The following POGLUT2 variants were observed in gnomAD, a reference collection of about 807,000 sequenced individuals.
POGLUT2 encodes the protein ER protein 58.
Under a neutral mutation model 57.6 loss-of-function variants are expected in POGLUT2, and 47 were observed. The ratio of observed to expected loss-of-function variants is 0.82; its 90% CI spans 0.65 to 1.04. The LOEUF (loss-of-function observed/expected upper bound fraction) is 1.04. POGLUT2 is among the 50% of genes least tolerant of loss of function. POGLUT2 has a pLI of 0.00. For synonymous variants in POGLUT2, 200 were observed against 218.8 expected (o/e 0.91, Z 0.76); for missense variants, 565 against 614.8 (o/e 0.92, Z 0.86).
chr13:102,793,521 G>T, intron 3 of POGLUT2, 80 bp downstream of exon 3: 2 of 1,384,190 alleles, frequency 1.4e-6, no homozygotes, highest in Non-Finnish European at 2.1e-6. Flanking sequence ...TTTATAAAAT[G>T]ATTTAGCTAA....
At chr13:102,792,068 C>T in intron 4 of POGLUT2, 1 of 1,288,158 alleles carries the variant, frequency 7.8e-7, no homozygotes, top group South Asian at 1.2e-5. Context: ...CAAAGAGGAG[C>T]AAGAGAAGTA....
At chr13:102,793,162 T>C (rs1878249045) in intron 4 of POGLUT2, 179 bp downstream of exon 4, 2 of 545,472 alleles carry the variant, frequency 3.7e-6, no homozygotes, top group Non-Finnish European at 6.6e-6. Flanking sequence ...TAGCACTTTG[T>C]TACGGCAGCC....
intron 6 of POGLUT2, among the ~76,000 whole-genome samples, chr13:102,790,479 G>A (rs755038003): frequency 1.3e-5 from 2 of 152,184 alleles, no homozygotes; most frequent in Non-Finnish European, 2.9e-5. Flanking sequence ...AGAACATTTG[G>A]ATGAGTTTCA....
At chr13:102,794,505 T>C (rs1333102491) in intron 2 of POGLUT2, among the ~76,000 whole-genome samples, 2 of 151,920 alleles carry the variant, frequency 1.3e-5, no homozygotes, top group Admixed American at 6.6e-5. Flanking sequence ...CTACTAAAAA[T>C]ACAAAAAAGT....
At chr13:102,794,139 A>G (rs1878288072) in intron 2 of POGLUT2, among the ~76,000 whole-genome samples, 1 of 152,020 alleles carries the variant, frequency 6.6e-6, no homozygotes, top group Non-Finnish European at 1.5e-5. Context: ...TGGGAGGCTG[A>G]CGTGGGAGGA....
Position 102,797,586 on chromosome 13 carries a change from A to AATAATAATAAT in POGLUT2, c.183-578_183-577insATTATTATTAT, listed in dbSNP as rs556962242. ...CTACAAATAATAATAATAATAATAA[A>AATAATAATAAT]AAACAAATAGCCAGGCGAGGTGGCA... On this transcript the variant is annotated intron_variant, in intron 1 of 9. Coordinates refer to ENST00000376004, the MANE Select transcript of POGLUT2 (RefSeq NM_024089.3). Among the ~76,000 whole-genome samples the AATAATAATAAT allele has an allele frequency of 2.2e-3, 327 of 151,952 alleles. 1 individual carries two copies. The highest frequency in any genetic ancestry group is 3.4e-3 in the Middle Eastern group (1 of 292).
At position 102,795,523 on chromosome 13, in the gene POGLUT2, A is replaced by G. The variant is rs550877799; in HGVS notation, c.388+1281T>C. Among the ~76,000 whole-genome samples the G allele has an allele frequency of 4.6e-4, 70 of 152,282 alleles. No homozygotes were observed. The South Asian group carries it at 0.014, about 30-fold the overall frequency. Reference sequence around the variant, plus strand: ...GGCTGCAGTAAGCAGTGATTGCACCACTGCACTCCAGCCTGGGCAACAGAG... The same window carrying G: ...GGCTGCAGTAAGCAGTGATTGCACCGCTGCACTCCAGCCTGGGCAACAGAG... On this transcript the variant is annotated intron_variant, in intron 2 of 9. Transcript: ENST00000376004.
chr13:102,786,200 C>G (rs1383267233), intron 9 of POGLUT2, 32 bp downstream of exon 9: 11 of 1,406,214 alleles, frequency 7.8e-6, no homozygotes, highest in Non-Finnish European at 1.1e-5. Context: ...AGTTTTTACT[C>G]TGACACCGGC....
In POGLUT2 at chr13:102,798,557, C is replaced by G; in HGVS notation, c.114G>C (p.Gly38=). 1 of 1,613,230 alleles carries G rather than the reference C, an allele frequency of 6.2e-7. No individual in the cohort carries two copies. The highest frequency in any genetic ancestry group is 8.5e-7 in the Non-Finnish European group (1 of 1,179,586). The stretch of plus-strand genomic sequence containing the variant: ...CGGGAAGGACGACGTCTGCTTTTAG[C>G]CCGGGTCCCCATATTTCGCTCTTCT... ...SPEKSEIWGP[G]LKADVVLPAR... is the part of the protein sequence containing the mutation. The change falls in exon 1 of 10, where the codon GGG becomes GGC. Residue 38 remains glycine (G), a synonymous_variant. Transcript: ENST00000376004.
chr13:102,790,481 T>C (rs781298235), intron 6 of POGLUT2, among the ~76,000 whole-genome samples: 1 of 152,232 alleles, frequency 6.6e-6, no homozygotes, highest in Non-Finnish European at 1.5e-5. Flanking sequence ...AACATTTGGA[T>C]GAGTTTCACG....
At position 102,791,124 on chromosome 13, in the gene POGLUT2, A is replaced by C. The variant is rs753402133; in HGVS notation, c.860T>G (p.Met287Arg). ...ACCCGTGTTAGCTTGCACGGACATC[A>C]TATCCAGACTTACCCTAGAAGACAA... ...LETMGRVSLD[M>R]MSVQANTGPP... The change falls in exon 6 of 10, where the codon ATG (methionine) becomes AGG (arginine). Residue 287 changes from methionine (M) to arginine (R), a missense_variant. Met to Arg is a moderately conservative substitution (Grantham distance 91). Coordinates refer to ENST00000376004, the MANE Select transcript of POGLUT2 (RefSeq NM_024089.3). 3 of 1,614,028 alleles carry C rather than the reference A, an allele frequency of 1.9e-6. No individual in the cohort carries two copies. The highest frequency in any genetic ancestry group is 2.5e-6 in the Non-Finnish European group (3 of 1,179,892).
intron 2 of POGLUT2, among the ~76,000 whole-genome samples, chr13:102,795,880 AG>A (rs1313529064): frequency 1.3e-5 from 2 of 151,902 alleles, no homozygotes; most frequent in Non-Finnish European, 1.5e-5. Flanking sequence ...GGGGTTGTTA[AG>A]GGGGGGACAA....
rs758631015 is a variant in POGLUT2 at position 102,787,815 on chromosome 13, T to A, written c.1383+19A>T. 2.8e-6 allele frequency: 4 copies of A among 1,413,342 alleles called. No homozygotes were observed. The African/African-American group carries it at 4.3e-5, about 15-fold the overall frequency. 87.6% of individuals were successfully genotyped at this position (1,413,342 alleles called of 1,614,324 possible). On this transcript the variant is annotated intron_variant, in intron 8 of 9. Transcript: ENST00000376004. ...GTCTACTTATAAGTTACGTGATGATTTTCTTGGAAAATACTGACCTGGAAA... is the reference window on the plus strand; with the variant it reads ...GTCTACTTATAAGTTACGTGATGATATTCTTGGAAAATACTGACCTGGAAA...
At chr13:102,792,157 C>G in intron 4 of POGLUT2, 1 of 1,152,278 alleles carries the variant, frequency 8.7e-7, no homozygotes, top group South Asian at 1.7e-5. Flanking sequence ...AATTAACAGA[C>G]TGTAAGTGCT....
intron 2 of POGLUT2, 101 bp downstream of exon 2, chr13:102,796,699 AATAT>A (rs869271164): frequency 0.015 from 2,223 of 151,114 alleles, 14 homozygotes; most frequent in Middle Eastern, 0.026. Flanking sequence ...AAAAAAAAAA[AATAT>A]ATATATATAT....
chr13:102,791,973 T>G, intron 4 of POGLUT2: 2 of 1,287,526 alleles, frequency 1.6e-6, no homozygotes, highest in Non-Finnish European at 2.0e-6. Flanking sequence ...TATACATTTT[T>G]AAGGCCAGAA....
rs74986000 is a variant in POGLUT2, at chr13:102,798,824, G to T, written c.-154C>A. 1.5e-3 allele frequency: 1,073 copies of T among 714,824 alleles called. 16 individuals are homozygous for T. The African/African-American group carries it at 0.018, about 12-fold the overall frequency. 44.3% of individuals were successfully genotyped at this position (714,824 alleles called of 1,614,324 possible). On this transcript the variant is annotated 5_prime_UTR_variant, in exon 1 of 10. Transcript: ENST00000376004. ...GCCCGGCGTGCAGGGCAGGCGCGCG[G>T]GTCTCCGCGACCCCAGGACAATCAA...
At chr13:102,786,466 C>A in intron 8 of POGLUT2, 127 bp from the exon 9 acceptor site, 1 of 686,328 alleles carries the variant, frequency 1.5e-6, no homozygotes, top group Non-Finnish European at 2.6e-6. Flanking sequence ...TCTGCATAGT[C>A]CGTCATATAT....
rs1422067722 is a variant in POGLUT2 at position 102,796,859 on chromosome 13, C to A, written c.333G>T (p.Lys111Asn). 2.5e-6 allele frequency: 4 copies of A among 1,610,042 alleles called. No homozygotes were observed. The East Asian group carries it at 8.9e-5, about 36-fold the overall frequency. The change falls in exon 2 of 10, where the codon AAG (lysine) becomes AAT (asparagine). Residue 111 changes from lysine to asparagine, a missense_variant. Lys to Asn is a moderately conservative substitution (Grantham distance 94). Transcript: ENST00000376004. ...GTTGCCCTTGGAATTTAATTTCCAC[C>A]TTCAGATTTTTGTAGCTTGCATACA... ...YRMYASYKNL[K>N]VEIKFQGQHV...
Sources: allele counts gnomAD v4.1 joint callset (sites outside exome capture counted in the v4.1 genomes callset), GRCh38; gene constraint gnomAD v4.1.1; transcripts MANE v1.5; gene names NCBI Gene and HGNC (gene_info 2026-07-23, HGNC 2026-07-21).